The following ADAMTS16 variants were observed in gnomAD, a reference collection of about 807,000 sequenced individuals.
ADAMTS16 encodes A disintegrin and metalloproteinase with thrombospondin motifs 16.
Under a neutral mutation model 145.8 loss-of-function variants are expected in ADAMTS16, and 94 were observed. The ratio of observed to expected loss-of-function variants is 0.64; its 90% confidence interval spans 0.55 to 0.77. The LOEUF (loss-of-function observed/expected upper bound fraction) is 0.77, where lower values mean the gene tolerates loss of function less well. ADAMTS16 is among the 30% of genes least tolerant of loss of function. The pLI, the probability that ADAMTS16 is intolerant of heterozygous loss-of-function variation, is 0.00. For missense variants in ADAMTS16, 1,585 were observed against 1,591.5 expected, an observed-to-expected ratio of 1.00 and a Z score of 0.07; for synonymous variants, 659 against 604.3, an observed-to-expected ratio of 1.09 and a Z score of -1.33.
At position 5,318,272 on chromosome 5, in the gene ADAMTS16, G is replaced by A; in HGVS notation, c.3550G>A (p.Glu1184Lys). The change falls in exon 22 of 23, where the codon GAG (glutamate) becomes AAG (lysine). Residue 1184 changes from glutamate (E) to lysine (K), a missense_variant. Coordinates refer to ENST00000274181, the MANE Select transcript of ADAMTS16 (RefSeq NM_139056.4). ...CAACACTCACTTCTGCCCCATTGCA[G>A]AGAAGAAAGGTGAGTACATGGGGCC... is the stretch of plus-strand genomic sequence containing the variant. ...ACNTHFCPIA[E>K]KKDAFCKDYF... The A allele has an allele frequency of 2.0e-6, 3 of 1,480,882 alleles. No homozygotes were observed. Among genetic ancestry groups the A allele is most frequent in the South Asian group, 2.8e-5 (2 of 71,986 alleles). The allele number at this position is 1,480,882 out of a possible 1,614,324, so 91.7% of individuals were successfully genotyped here.
chr5:5,140,479 C>T lies in ADAMTS16; in HGVS notation c.12C>T (p.Arg4=). 1.3e-6 allele frequency: 2 copies of T among 1,514,820 alleles called. No homozygotes were observed. The highest frequency in any genetic ancestry group is 1.2e-5 in the South Asian group (1 of 82,084). 93.8% of individuals were successfully genotyped at this position (1,514,820 alleles called of 1,614,324 possible). The stretch of plus-strand genomic sequence containing the variant: ...CGGAGCGCTCCTGGATGAAGCCCCG[C>T]GCGCGCGGATGGCGGGGCTTGGCGG... MKP[R]ARGWRGLAAL... The change falls in exon 1 of 23, where the codon CGC becomes CGT. Residue 4 remains arginine, a synonymous_variant. Transcript: ENST00000274181.
At chr5:5,199,955 G>C (rs1382578529) in intron 8 of ADAMTS16, among the ~76,000 whole-genome samples, 177 bp from the exon 9 acceptor site, 1 of 152,220 alleles carries the variant, frequency 6.6e-6, no homozygotes, top group Admixed American at 6.5e-5. Context: ...TTCAGAAACT[G>C]TCTTGGAATA....
At chr5:5,203,485 G>A (rs563846531) in intron 9 of ADAMTS16, among the ~76,000 whole-genome samples, 2 of 152,288 alleles carry the variant, frequency 1.3e-5, no homozygotes, top group South Asian at 4.1e-4. Context: ...TAGTAGTCTA[G>A]CATTTGATAG....
intron 17 of ADAMTS16, among the ~76,000 whole-genome samples, chr5:5,255,690 G>A (rs1737756504): frequency 6.6e-6 from 1 of 152,230 alleles, no homozygotes; most frequent in African/African-American, 2.4e-5. Context: ...ATGAGAGTTA[G>A]AAAATGTACT....
intron 8 of ADAMTS16, 110 bp from the exon 9 acceptor site, chr5:5,200,022 A>G (rs1051955538): frequency 6.1e-6 from 8 of 1,306,956 alleles, no homozygotes; most frequent in African/African-American, 4.5e-5. Context: ...TGCCTAGCAT[A>G]TAGGGGTGAG....
Position 5,222,913 on chromosome 5 carries a change from G to A in ADAMTS16, c.1701+29G>A, listed in dbSNP as rs16875075. The A allele has an allele frequency of 5.0e-3, 7,843 of 1,582,346 alleles. 336 individuals carry two copies. In the African/African-American group the frequency reaches 0.092, roughly 19 times the overall value. ...AGAAGCTAACTGTAGGTACAGCATCGTATTCAGATGCTAGTCTTTCAACCC... is the reference window on the plus strand; with the variant it reads ...AGAAGCTAACTGTAGGTACAGCATCATATTCAGATGCTAGTCTTTCAACCC... On this transcript the variant is annotated intron_variant, in intron 11 of 22. Transcript: ENST00000274181.
chr5:5,191,115 G>A (rs566236635), intron 7 of ADAMTS16, among the ~76,000 whole-genome samples: 1 of 152,280 alleles, frequency 6.6e-6, no homozygotes, highest in South Asian at 2.1e-4. Context: ...GCAGGGCAAG[G>A]ACCCTTAGAC....
At chr5:5,251,292 T>C (rs1291993901) in intron 17 of ADAMTS16, among the ~76,000 whole-genome samples, 2 of 152,216 alleles carry the variant, frequency 1.3e-5, no homozygotes, top group Non-Finnish European at 2.9e-5. Context: ...CACTATGTCA[T>C]CTGTATCCTT....
intron 9 of ADAMTS16, among the ~76,000 whole-genome samples, chr5:5,200,513 A>T (rs1418730507): frequency 6.6e-6 from 1 of 152,244 alleles, no homozygotes; most frequent in Non-Finnish European, 1.5e-5. Context: ...AGGGAGCCAT[A>T]AGACACTTAC....
intron 17 of ADAMTS16, among the ~76,000 whole-genome samples, chr5:5,243,609 A>C (rs1273009105): frequency 6.6e-6 from 1 of 152,222 alleles, no homozygotes; most frequent in African/African-American, 2.4e-5. Context: ...GTTGGTTAGG[A>C]TAATAATAGA....
At chr5:5,234,969 A>G (rs758694560) in intron 12 of ADAMTS16, 45 bp from the exon 13 acceptor site, 18 of 1,460,718 alleles carry the variant, frequency 1.2e-5, no homozygotes, top group Admixed American at 2.1e-5. Flanking sequence ...AGAATTTAGT[A>G]GCTACTAAAA....
chr5:5,303,447 G>A lies in ADAMTS16; in HGVS notation c.2969G>A (p.Trp990Ter), dbSNP rs1739880192. Residue 990 changes from tryptophan (W) to a stop codon, truncating the protein, a stop_gained, in exon 19 of 23, where the codon TGG becomes TAG. Coordinates refer to ENST00000274181, the MANE Select transcript of ADAMTS16 (RefSeq NM_139056.4). LOFTEE classifies it high-confidence loss of function. ...ACNSQSCPPA[W>*]SAGPWAECSH... Reference sequence around the variant, plus strand: ...AACTCTCAGAGCTGCCCACCTGCATGGAGCGCCGGGCCCTGGGCAGAGGTA... The same window carrying A: ...AACTCTCAGAGCTGCCCACCTGCATAGAGCGCCGGGCCCTGGGCAGAGGTA... 6.2e-7 allele frequency: 1 copy of A among 1,610,992 alleles called. No individual in the cohort carries two copies. Among genetic ancestry groups the A allele is most frequent in the Non-Finnish European group, 8.5e-7 (1 of 1,178,454 alleles).
At chr5:5,232,260 T>G in intron 11 of ADAMTS16, 108 bp from the exon 12 acceptor site, 2 of 1,304,890 alleles carry the variant, frequency 1.5e-6, no homozygotes, top group South Asian at 2.6e-5. Flanking sequence ...GGCTAATGTC[T>G]GCATAGTTTA....
Position 5,186,033 on chromosome 5 carries a change from T to C in ADAMTS16, c.764-19T>C. 1 of 1,600,016 alleles carries C rather than the reference T, an allele frequency of 6.2e-7. No homozygotes were observed. Among genetic ancestry groups the C allele is most frequent in the South Asian group, 1.1e-5 (1 of 90,758 alleles). On this transcript the variant is annotated intron_variant, in intron 4 of 22. Coordinates refer to ENST00000274181, the MANE Select transcript of ADAMTS16 (RefSeq NM_139056.4). Reference sequence around the variant, plus strand: ...GTGTGACTTGTGCTTCCATTTGCCCTCCATGTGTCCCTCCATAGACATGCC... The same window carrying C: ...GTGTGACTTGTGCTTCCATTTGCCCCCCATGTGTCCCTCCATAGACATGCC...
intron 17 of ADAMTS16, among the ~76,000 whole-genome samples, chr5:5,261,589 C>T (rs969189251): frequency 6.0e-5 from 9 of 150,678 alleles, no homozygotes; most frequent in Non-Finnish European, 7.4e-5. Context: ...CTGGTTCCAG[C>T]GATTCTTCTG....
At chr5:5,201,231 A>G (rs1381593626) in intron 9 of ADAMTS16, among the ~76,000 whole-genome samples, 3 of 152,196 alleles carry the variant, frequency 2.0e-5, no homozygotes, top group Non-Finnish European at 4.4e-5. Context: ...GGAGGAACTC[A>G]TATGACTGCC....
rs1739252282 is a variant in ADAMTS16, at chr5:5,290,135, T to G, written c.2790-13133T>G. On this transcript the variant is annotated intron_variant, in intron 18 of 22. Transcript: ENST00000274181. ...TCCTTTCTCAAGAAAATGGCTTGTC[T>G]TCAGGATAGCAAAATCTCCTGAGGT... Among the ~76,000 whole-genome samples, 6 of 152,380 alleles carry G rather than the reference T, an allele frequency of 3.9e-5. No individual in the cohort carries two copies. The South Asian group carries it at 1.2e-3, about 32-fold the overall frequency.
intron 14 of ADAMTS16, among the ~76,000 whole-genome samples, chr5:5,237,934 T>A (rs1419520895): frequency 6.6e-6 from 1 of 152,202 alleles, no homozygotes; most frequent in Admixed American, 6.5e-5. Context: ...ACATTGCATG[T>A]AGACAATGGG....
At chr5:5,156,629 T>C (rs1166952023) in intron 3 of ADAMTS16, among the ~76,000 whole-genome samples, 1 of 152,174 alleles carries the variant, frequency 6.6e-6, no homozygotes, top group African/African-American at 2.4e-5. Flanking sequence ...ACTGCTTTGA[T>C]TAAAATTAAG....
Sources: allele counts gnomAD v4.1 joint callset (sites outside exome capture counted in the v4.1 genomes callset), GRCh38; gene constraint gnomAD v4.1.1; transcripts MANE v1.5; gene names NCBI Gene and HGNC (gene_info 2026-07-23, HGNC 2026-07-21).